Variants in THEM4 observed in about 807,000 individuals in gnomAD.
THEM4 encodes the protein thioesterase superfamily member 4.
THEM4 carries 22 observed loss-of-function variants against 25.0 expected under a neutral mutation model. The observed-to-expected ratio is 0.88, with a 90% CI of 0.63 to 1.26. THEM4 has a LOEUF of 1.26. Among genes scored for constraint, THEM4 ranks in the 50% most tolerant of loss-of-function variants. The pLI is 0.00. For missense variants in THEM4, 286 were observed against 300.3 expected, an observed-to-expected ratio of 0.95 and a Z score of 0.35; for synonymous variants, 113 against 105.6, an observed-to-expected ratio of 1.07 and a Z score of -0.43.
intron 1 of THEM4, among the ~76,000 whole-genome samples, chr1:151,902,474 C>T (rs1654372620): frequency 6.6e-6 from 1 of 151,454 alleles, no homozygotes; most frequent in African/African-American, 2.4e-5. Flanking sequence ...AAGAATGATA[C>T]AATGGACTTT....
At chr1:151,906,743 C>T (rs967388687) in intron 1 of THEM4, among the ~76,000 whole-genome samples, 32 of 152,326 alleles carry the variant, frequency 2.1e-4, no homozygotes, top group Admixed American at 1.0e-3. Context: ...ATGCACCAAT[C>T]GACACTCTGT....
chr1:151,908,042 C>T (rs910189176), intron 1 of THEM4, among the ~76,000 whole-genome samples: 1 of 152,240 alleles, frequency 6.6e-6, no homozygotes, highest in Non-Finnish European at 1.5e-5. Flanking sequence ...CTCTGTCCCA[C>T]AGCAATTAAG....
intron 4 of THEM4, among the ~76,000 whole-genome samples, chr1:151,878,415 A>AGCCTGGCTG (rs1653735154): frequency 6.6e-6 from 1 of 152,204 alleles, no homozygotes; most frequent in South Asian, 2.1e-4. Flanking sequence ...ACAAGACATA[A>AGCCTGGCTG]GCCTGGCTGG....
intron 4 of THEM4, among the ~76,000 whole-genome samples, chr1:151,885,859 A>G (rs762902286): frequency 2.6e-5 from 4 of 152,258 alleles, no homozygotes; most frequent in Non-Finnish European, 5.9e-5. Context: ...GAAGTAAGGT[A>G]GATTAAGGCA....
chr1:151,898,556 C>T (rs950712114), intron 1 of THEM4, among the ~76,000 whole-genome samples: 1 of 152,224 alleles, frequency 6.6e-6, no homozygotes, highest in African/African-American at 2.4e-5. Flanking sequence ...AGGGCCCCGC[C>T]CACCACCGGT....
chr1:151,903,347 C>G (rs1314368724), intron 1 of THEM4, among the ~76,000 whole-genome samples: 1 of 152,030 alleles, frequency 6.6e-6, no homozygotes, highest in Non-Finnish European at 1.5e-5. Context: ...TTAAAAATCC[C>G]ACAATTTTGC....
chr1:151,873,715 G>A lies in THEM4; in HGVS notation c.*1173C>T, dbSNP rs1653606268. The A allele has an allele frequency of 6.6e-6, 1 of 152,256 alleles. No homozygotes were observed. The highest frequency in any genetic ancestry group is 1.5e-5 in the Non-Finnish European group (1 of 68,070). The allele number at this position is 152,256 out of a possible 1,614,324, so 9.4% of individuals were successfully genotyped here. On this transcript the variant is annotated 3_prime_UTR_variant, in exon 6 of 6. Transcript: ENST00000368814. ...AAGAGGAGACTTGGACACAGAGATAGATCTGCACAGAGGGAAGACACTGTG... is the reference window on the plus strand; with the variant it reads ...AAGAGGAGACTTGGACACAGAGATAAATCTGCACAGAGGGAAGACACTGTG...
At chr1:151,906,239 C>T (rs894844064) in intron 1 of THEM4, among the ~76,000 whole-genome samples, 5 of 152,370 alleles carry the variant, frequency 3.3e-5, no homozygotes, top group Middle Eastern at 6.8e-3. Context: ...AGCAGCCAGC[C>T]GGCCCTGCCG....
chr1:151,877,626 T>C (rs901639809), intron 4 of THEM4, among the ~76,000 whole-genome samples: 4 of 152,190 alleles, frequency 2.6e-5, no homozygotes, highest in African/African-American at 9.7e-5. Flanking sequence ...GTCAGTACTG[T>C]CCAATAGAAC....
chr1:151,899,781 A>G (rs1654311989), intron 1 of THEM4, among the ~76,000 whole-genome samples: 3 of 152,212 alleles, frequency 2.0e-5, no homozygotes, highest in Admixed American at 2.0e-4. Flanking sequence ...AGATCTAGAC[A>G]TGCAAATACA....
At chr1:151,889,141 C>T in intron 3 of THEM4, 73 bp downstream of exon 3, 4 of 1,250,332 alleles carry the variant, frequency 3.2e-6, no homozygotes, top group Non-Finnish European at 2.3e-6. Flanking sequence ...TATTGTAGTC[C>T]ATGTACAGGA....
At position 151,873,885 on chromosome 1, in the gene THEM4, A is replaced by T. The variant is rs575335442; in HGVS notation, c.*1003T>A. 1 of 152,328 alleles carries T rather than the reference A, an allele frequency of 6.6e-6. No individual in the cohort carries two copies. The highest frequency in any genetic ancestry group is 2.1e-4 in the South Asian group (1 of 4,822). 9.4% of individuals were successfully genotyped at this position (152,328 alleles called of 1,614,324 possible). A position where few individuals can be genotyped will look rare whatever the true frequency, so the allele number is the denominator to read the frequency against. On this transcript the variant is annotated 3_prime_UTR_variant, in exon 6 of 6. Coordinates refer to ENST00000368814, the MANE Select transcript of THEM4 (RefSeq NM_053055.5). ...ACTTTCAGGAGAATGGCCTTGGTCAACACCTTGATTTTGAACTTCTGGCCT... is the reference window on the plus strand; with the variant it reads ...ACTTTCAGGAGAATGGCCTTGGTCATCACCTTGATTTTGAACTTCTGGCCT...
rs532049267 is a variant in THEM4, at chr1:151,871,972, T to C, written c.*2916A>G. On this transcript the variant is annotated 3_prime_UTR_variant, in exon 6 of 6. Transcript: ENST00000368814. ...TTTTTAACATGTGAAATATAATTAT[T>C]GTAAGAGTCCACTCTCTTAAGTTTC... 6.6e-6 allele frequency among the ~76,000 whole-genome samples: 1 copy of C among 152,326 alleles called. No individual in the cohort carries two copies. Among genetic ancestry groups the C allele is most frequent in the African/African-American group, 2.4e-5 (1 of 41,566 alleles).
chr1:151,902,255 A>G (rs1340382734), intron 1 of THEM4, among the ~76,000 whole-genome samples: 2 of 152,246 alleles, frequency 1.3e-5, no homozygotes, highest in Admixed American at 6.5e-5. Context: ...ATACTTGCAC[A>G]TGCATGTTTA....
At chr1:151,900,961 AGCAT>A (rs1352874007) in intron 1 of THEM4, among the ~76,000 whole-genome samples, 3 of 152,270 alleles carry the variant, frequency 2.0e-5, no homozygotes, top group Non-Finnish European at 4.4e-5. Context: ...CACAAACAAT[AGCAT>A]GAGCAATCTG....
intron 1 of THEM4, among the ~76,000 whole-genome samples, chr1:151,906,188 GAGTTCC>G (rs1277427467): frequency 6.6e-6 from 1 of 152,242 alleles, no homozygotes; most frequent in East Asian, 1.9e-4. Context: ...GGACCAGCTG[GAGTTCC>G]AGGTGGGTGT....
In THEM4 at chr1:151,871,819, A is replaced by C. The variant is rs1653559611; in HGVS notation, c.*3069T>G. On this transcript the variant is annotated 3_prime_UTR_variant, in exon 6 of 6. Transcript: ENST00000368814. ...GGCTGGAGGTCTGGTGTGCCATAGCAGTTCTGCAAGCCTGCCAGAGAAATC... is the reference window on the plus strand; with the variant it reads ...GGCTGGAGGTCTGGTGTGCCATAGCCGTTCTGCAAGCCTGCCAGAGAAATC... Among the ~76,000 whole-genome samples, 1 of 152,240 alleles carries C rather than the reference A, an allele frequency of 6.6e-6. No homozygotes were observed. The highest frequency in any genetic ancestry group is 6.5e-5 in the Admixed American group (1 of 15,290).
Position 151,874,534 on chromosome 1 carries a change from C to T in THEM4, c.*354G>A. The T allele has an allele frequency of 4.2e-6, 1 of 235,930 alleles. No homozygotes were observed. Among genetic ancestry groups the T allele is most frequent in the Non-Finnish European group, 8.3e-6 (1 of 120,874 alleles). 14.6% of individuals were successfully genotyped at this position (235,930 alleles called of 1,614,324 possible). On this transcript the variant is annotated 3_prime_UTR_variant, in exon 6 of 6. Transcript: ENST00000368814. ...GGACTACAGGCGTACGCCACCATGC[C>T]TGGATAATTTTTTGTATTTTAGTAG...
At chr1:151,907,792 AC>A (rs1654505111) in intron 1 of THEM4, among the ~76,000 whole-genome samples, 1 of 152,260 alleles carries the variant, frequency 6.6e-6, no homozygotes, top group Admixed American at 6.5e-5. Flanking sequence ...GGTGGTCCAC[AC>A]CCACCCCAAT....
Sources: gnomAD v4.1 joint callset for allele counts (sites outside exome capture counted in the v4.1 genomes callset) on GRCh38, gnomAD v4.1.1 for gene constraint, MANE v1.5 for transcripts, NCBI Gene and HGNC (gene_info 2026-07-23, HGNC 2026-07-21) for gene names.